MAML1: variants seen among roughly 807,000 people sequenced by gnomAD.
The protein encoded by MAML1 is mastermind like transcriptional coactivator 1, also known as mastermind-like protein 1.
In MAML1, 14 loss-of-function variants were observed where a neutral mutation model predicts 77.1. The observed-to-expected ratio is 0.18, with a 90% CI of 0.12 to 0.28. MAML1 has a LOEUF of 0.28. Ranked by LOEUF, MAML1 falls within the 10% of genes least tolerant of loss-of-function variation. The pLI, the probability that MAML1 is intolerant of heterozygous loss-of-function variation, is 1.00. For missense variants in MAML1, 1,217 were observed against 1,327.8 expected, an observed-to-expected ratio of 0.92 and a Z score of 1.30; for synonymous variants, 516 against 551.9, an observed-to-expected ratio of 0.93 and a Z score of 0.91.
rs994472392 is a variant in MAML1, at chr5:179,766,119, C to A, written c.1109C>A (p.Ala370Asp). The change falls in exon 2 of 5, where the codon GCC becomes GAC. Residue 370 changes from alanine to aspartate, a missense_variant. Around this residue, in one of 3 missense-constraint regions of MAML1, gnomAD observed 884 missense variants for 949.3 expected, o/e 0.93. Coordinates refer to ENST00000292599, the MANE Select transcript of MAML1 (RefSeq NM_014757.5). This position sits in a 1 kb window ranked among gnomAD's most constrained non-coding sequence, Gnocchi z 4.0. ...AACCTGATGCCGGCATCAGCCCAGG[C>A]CCAGAACGCACAAAGAGCCCTTGCA... Reference protein sequence around the residue: ...SPNLMPASAQAQNAQRALAGV... With the variant: ...SPNLMPASAQDQNAQRALAGV... 26 of 1,577,950 alleles carry A rather than the reference C, an allele frequency of 1.6e-5. No individual in the cohort carries two copies. The highest frequency in any genetic ancestry group is 2.1e-5 in the Non-Finnish European group (24 of 1,163,076).
rs544038068 is a variant in MAML1, at chr5:179,775,944, G to A, written c.*1067G>A. The A allele has an allele frequency of 2.0e-6, 2 of 985,730 alleles. No homozygotes were observed. Among genetic ancestry groups the A allele is most frequent in the South Asian group, 4.7e-5 (1 of 21,290 alleles). 61.1% of individuals were successfully genotyped at this position (985,730 alleles called of 1,614,324 possible). On this transcript the variant is annotated 3_prime_UTR_variant, in exon 5 of 5. Transcript: ENST00000292599. ...GGGGAAGGAGGCCGTAGGCCGGCCC[G>A]GAGGAAGCAATTCCACTTGGTTTGA... is the stretch of plus-strand genomic sequence containing the variant.
At chr5:179,744,300 C>T (rs1779340252) in intron 1 of MAML1, among the ~76,000 whole-genome samples, 1 of 152,188 alleles carries the variant, frequency 6.6e-6, no homozygotes, top group Non-Finnish European at 1.5e-5. Flanking sequence ...GTTCTCCTGC[C>T]TCAGCTTCCG....
rs1282696564 is a variant in MAML1, at chr5:179,771,264, G to A, written c.2068+21G>A. On this transcript the variant is annotated intron_variant, in intron 4 of 4. Transcript: ENST00000292599. The surrounding 1 kb of genome is among the most constrained non-coding windows in gnomAD (Gnocchi z 4.7). ...CACAGGTAGGGGGTGTCTGTGTGAC[G>A]AGCAGGGACAGGGGAGGCCGCTGCC... is the stretch of plus-strand genomic sequence containing the variant. The A allele has an allele frequency of 7.5e-6, 12 of 1,606,758 alleles. No homozygotes were observed. The highest frequency in any genetic ancestry group is 5.3e-5 in the African/African-American group (4 of 74,796).
chr5:179,772,530 T>G (rs1156454722), intron 4 of MAML1, among the ~76,000 whole-genome samples: 2 of 152,162 alleles, frequency 1.3e-5, no homozygotes, highest in East Asian at 3.9e-4. Flanking sequence ...GTTAATGGTG[T>G]TGTCATATGT....
chr5:179,735,762 A>G (rs1779155796), intron 1 of MAML1, among the ~76,000 whole-genome samples: 1 of 151,350 alleles, frequency 6.6e-6, no homozygotes, highest in Non-Finnish European at 1.5e-5. Context: ...ATTTCTGCTC[A>G]CTGCAACCTC....
At chr5:179,760,558 A>G (rs1307503773) in intron 1 of MAML1, among the ~76,000 whole-genome samples, 1 of 152,168 alleles carries the variant, frequency 6.6e-6, no homozygotes, top group Admixed American at 6.5e-5. Flanking sequence ...GGCTGAGTGG[A>G]TCAGCGTTTG....
In MAML1 at chr5:179,761,976, A is replaced by G. The variant is rs1283605593; in HGVS notation, c.316-3350A>G. 2.6e-5 allele frequency among the ~76,000 whole-genome samples: 4 copies of G among 152,186 alleles called. No homozygotes were observed. In the East Asian group the frequency reaches 7.7e-4, roughly 29 times the overall value. On this transcript the variant is annotated intron_variant, in intron 1 of 4. Coordinates refer to ENST00000292599, the MANE Select transcript of MAML1 (RefSeq NM_014757.5). ...GGAGTTTGGCTGACAGGAAGATGAT[A>G]GAAGAGGTAAAAAAGAGGAGGCAGG... is the stretch of plus-strand genomic sequence containing the variant.
intron 1 of MAML1, among the ~76,000 whole-genome samples, chr5:179,739,755 T>C (rs1011904247): frequency 6.6e-6 from 1 of 152,162 alleles, no homozygotes; most frequent in Non-Finnish European, 1.5e-5. Context: ...TTGTAAGTAA[T>C]CTAGAGGTGA....
Position 179,771,402 on chromosome 5 carries a change from TA to T in MAML1, c.2068+160del, listed in dbSNP as rs1272976941. Among the ~76,000 whole-genome samples, 4 of 152,228 alleles carry T rather than the reference TA, an allele frequency of 2.6e-5. No homozygotes were observed. Among genetic ancestry groups the T allele is most frequent in the Non-Finnish European group, 5.9e-5 (4 of 68,040 alleles). The stretch of plus-strand genomic sequence containing the variant: ...TGCCTAAGGGGCCTGGTTTTCTAGT[TA>T]CTCCACGGCATCAGGAGAAGAGGGC... On this transcript the variant is annotated intron_variant, in intron 4 of 4. Coordinates refer to ENST00000292599, the MANE Select transcript of MAML1 (RefSeq NM_014757.5). This position sits in a 1 kb window ranked among gnomAD's most constrained non-coding sequence, Gnocchi z 4.7.
chr5:179,760,817 C>T (rs991410762), intron 1 of MAML1, among the ~76,000 whole-genome samples: 5 of 152,168 alleles, frequency 3.3e-5, no homozygotes, highest in African/African-American at 4.8e-5. Flanking sequence ...GCAGGCCGGG[C>T]GCAGTGGCTC....
In MAML1 at chr5:179,769,750, A is replaced by G. The variant is rs1251284897; in HGVS notation, c.1971+661A>G. On this transcript the variant is annotated intron_variant, in intron 3 of 4. Transcript: ENST00000292599. The surrounding 1 kb of genome is among the most constrained non-coding windows in gnomAD (Gnocchi z 4.2). The stretch of plus-strand genomic sequence containing the variant: ...GTGTTTTTAGTAGAGATGGGGTTTC[A>G]CCACGTTGGCCAGGCTGGTCTTGAG... 6.6e-6 allele frequency among the ~76,000 whole-genome samples: 1 copy of G among 151,992 alleles called. No individual in the cohort carries two copies. The highest frequency in any genetic ancestry group is 1.5e-5 in the Non-Finnish European group (1 of 67,978).
chr5:179,742,092 C>T (rs979929584), intron 1 of MAML1, among the ~76,000 whole-genome samples: 2 of 151,356 alleles, frequency 1.3e-5, no homozygotes, highest in Non-Finnish European at 3.0e-5. Context: ...AGATTGGTCT[C>T]GAACTCCTGA....
chr5:179,765,505 C>T lies in MAML1; in HGVS notation c.495C>T (p.Asp165=). Residue 165 remains aspartate, a synonymous_variant, in exon 2 of 5, where the codon GAC becomes GAT. Coordinates refer to ENST00000292599, the MANE Select transcript of MAML1 (RefSeq NM_014757.5). ...LPPASPLGQS[D]KPSGADALQS... ...CAGCCTCCCCCCTCGGTCAGTCTGA[C>T]AAGCCTTCTGGAGCCGACGCCCTGC... The T allele has an allele frequency of 6.2e-7, 1 of 1,614,110 alleles. No individual in the cohort carries two copies. Among genetic ancestry groups the T allele is most frequent in the Non-Finnish European group, 8.5e-7 (1 of 1,179,988 alleles).
intron 1 of MAML1, among the ~76,000 whole-genome samples, chr5:179,746,962 C>G (rs1581928578): frequency 6.6e-6 from 1 of 152,048 alleles, no homozygotes; most frequent in South Asian, 2.1e-4. Flanking sequence ...TTGTTATTTC[C>G]CAGCCGCCTA....
At chr5:179,763,571 A>G (rs1056903379) in intron 1 of MAML1, among the ~76,000 whole-genome samples, 1 of 152,204 alleles carries the variant, frequency 6.6e-6, no homozygotes, top group African/African-American at 2.4e-5. Flanking sequence ...GAAATAAGCA[A>G]ATCTTGATGT....
Position 179,766,131 on chromosome 5 carries a change from A to T in MAML1, c.1121A>T (p.Gln374Leu). Reference protein sequence around the residue: ...MPASAQAQNAQRALAGVVLPS... With the variant: ...MPASAQAQNALRALAGVVLPS... ...GCATCAGCCCAGGCCCAGAACGCAC[A>T]AAGAGCCCTTGCAGGTGTGGTATTG... The change falls in exon 2 of 5, where the codon CAA becomes CTA. Residue 374 changes from glutamine to leucine, a missense_variant. Physicochemically the swap from Gln to Leu is moderately radical, Grantham distance 113. Coordinates refer to ENST00000292599, the MANE Select transcript of MAML1 (RefSeq NM_014757.5). This position sits in a 1 kb window ranked among gnomAD's most constrained non-coding sequence, Gnocchi z 4.0. The T allele has an allele frequency of 6.3e-7, 1 of 1,575,188 alleles. No homozygotes were observed.
At chr5:179,756,666 G>A (rs1213078690) in intron 1 of MAML1, among the ~76,000 whole-genome samples, 1 of 152,122 alleles carries the variant, frequency 6.6e-6, no homozygotes, top group Non-Finnish European at 1.5e-5. Context: ...TTTTATAGCG[G>A]TCACACGGAT....
chr5:179,773,833 G>A (rs76161466), intron 4 of MAML1, 62 bp from the exon 5 acceptor site: 8 of 1,539,168 alleles, frequency 5.2e-6, no homozygotes, highest in Middle Eastern at 1.9e-4. Flanking sequence ...GCTGCGGCTC[G>A]AGTCTCAGAG....
rs2113374196 is a variant in MAML1 at position 179,765,409 on chromosome 5, C to G, written c.399C>G (p.Leu133=). Residue 133 remains leucine, a synonymous_variant, in exon 2 of 5, where the codon CTC becomes CTG. Coordinates refer to ENST00000292599, the MANE Select transcript of MAML1 (RefSeq NM_014757.5). ...ATCAACAGAATGGCTACGGGGACCTCTTTCCTGGGCATAAGAAGACTCGCC... is the reference window on the plus strand; with the variant it reads ...ATCAACAGAATGGCTACGGGGACCTGTTTCCTGGGCATAAGAAGACTCGCC... ...NGDQQNGYGD[L]FPGHKKTRRE... is the part of the protein sequence containing the mutation. The G allele has an allele frequency of 6.2e-7, 1 of 1,614,176 alleles. No homozygotes were observed. The highest frequency in any genetic ancestry group is 1.1e-5 in the South Asian group (1 of 91,076).
Sources: allele counts gnomAD v4.1 joint callset (sites outside exome capture counted in the v4.1 genomes callset), GRCh38; gene constraint gnomAD v4.1.1; regional missense constraint gnomAD v4.1.1; non-coding constraint Gnocchi (gnomAD v3.1); transcripts MANE v1.5; gene names NCBI Gene and HGNC (gene_info 2026-07-23, HGNC 2026-07-21).